Variants in DCC observed in about 807,000 individuals in gnomAD.
The protein encoded by DCC is DCC netrin 1 receptor.
In DCC, 58 loss-of-function variants were observed where a neutral mutation model predicts 172.5. That is an observed-to-expected ratio of 0.34 (90% CI 0.27 to 0.42). DCC has a LOEUF of 0.42. Ranked by LOEUF, DCC falls within the 10% of genes least tolerant of loss-of-function variation. The pLI, the probability that DCC is intolerant of heterozygous loss-of-function variation, is 1.00. For synonymous variants in DCC, 709 were observed against 644.5 expected (o/e 1.10, Z -1.52); for missense variants, 1,740 against 1,791.0 (o/e 0.97, Z 0.51).
rs537016798 is a variant in DCC at position 53,374,023 on chromosome 18, G to A, written c.2360-12020G>A. On this transcript the variant is annotated intron_variant, in intron 15 of 28. Coordinates refer to ENST00000442544, the MANE Select transcript of DCC (RefSeq NM_005215.4). ...CCTTTACACTGAATCTGCTTCATCT[G>A]CCCTTGGCATTGTCCACAGGCTGTA... 2.6e-3 allele frequency among the ~76,000 whole-genome samples: 403 copies of A among 152,278 alleles called. 1 individual carries two copies. Among genetic ancestry groups the A allele is most frequent in the African/African-American group, 9.1e-3 (379 of 41,540 alleles).
chr18:52,941,470 A>G (rs1464270880), intron 5 of DCC, among the ~76,000 whole-genome samples: 1 of 142,872 alleles, frequency 7.0e-6, no homozygotes. Context: ...ATTCTTTAAC[A>G]TACATATATA....
At chr18:53,500,853 A>G (rs1236821164) in intron 27 of DCC, among the ~76,000 whole-genome samples, 14 of 152,062 alleles carry the variant, frequency 9.2e-5, no homozygotes, top group Admixed American at 9.2e-4. Context: ...TAGGGACTTA[A>G]AAAGGTCTGT....
At chr18:52,993,414 A>G (rs1179373186) in intron 5 of DCC, among the ~76,000 whole-genome samples, 3 of 152,190 alleles carry the variant, frequency 2.0e-5, no homozygotes, top group Admixed American at 2.0e-4. Flanking sequence ...ACTCCTGTAT[A>G]AAACACAATG....
chr18:52,814,747 TATG>T (rs1451432047), intron 2 of DCC, among the ~76,000 whole-genome samples: 9 of 152,284 alleles, frequency 5.9e-5, no homozygotes, highest in Non-Finnish European at 8.8e-5. Context: ...TAAACTCAGT[TATG>T]ATGGGAAATG....
At chr18:52,500,635 T>C (rs188517876) in intron 1 of DCC, among the ~76,000 whole-genome samples, 2 of 152,328 alleles carry the variant, frequency 1.3e-5, no homozygotes, top group Admixed American at 1.3e-4. Context: ...TTTAGATGAA[T>C]ACAATTTTCT....
chr18:52,949,263 GC>G lies in DCC; in HGVS notation c.985+23895del, dbSNP rs560985298. Among the ~76,000 whole-genome samples, 373 of 152,242 alleles carry G rather than the reference GC, an allele frequency of 2.5e-3. 2 individuals carry two copies. The highest frequency in any genetic ancestry group is 8.6e-3 in the African/African-American group (356 of 41,548). On this transcript the variant is annotated intron_variant, in intron 5 of 28. Coordinates refer to ENST00000442544, the MANE Select transcript of DCC (RefSeq NM_005215.4). ...ACAATTTGCTTTGTATCTCACATAA[GC>G]CTAGAAGAGTTCTTGACTCTGAAGC...
intron 7 of DCC, among the ~76,000 whole-genome samples, chr18:53,116,434 C>A (rs984961147): frequency 1.3e-5 from 2 of 151,736 alleles, no homozygotes; most frequent in African/African-American, 2.4e-5. Context: ...CCTGTCATAG[C>A]TGAATCAGCC....
intron 9 of DCC, among the ~76,000 whole-genome samples, chr18:53,194,372 C>T (rs767273924): frequency 2.0e-5 from 3 of 151,990 alleles, no homozygotes; most frequent in Admixed American, 6.6e-5. Context: ...CCATTTATAT[C>T]GGTGATGTCA....
At chr18:52,389,645 A>AG (rs61304952) in intron 1 of DCC, among the ~76,000 whole-genome samples, 13,543 of 152,186 alleles carry the variant, frequency 0.089, 740 homozygotes, top group South Asian at 0.16. Flanking sequence ...CTTATAAAAA[A>AG]TTACTTCTAT....
At chr18:52,575,607 T>A (rs970011446) in intron 1 of DCC, among the ~76,000 whole-genome samples, 4 of 152,186 alleles carry the variant, frequency 2.6e-5, no homozygotes, top group Non-Finnish European at 5.9e-5. Flanking sequence ...TAGTTGTTTT[T>A]TTCCTACCTT....
At chr18:52,993,286 A>C (rs961991755) in intron 5 of DCC, among the ~76,000 whole-genome samples, 6 of 152,168 alleles carry the variant, frequency 3.9e-5, no homozygotes, top group African/African-American at 1.4e-4. Flanking sequence ...TATTTTGTGT[A>C]GAGATTTTTA....
intron 15 of DCC, among the ~76,000 whole-genome samples, chr18:53,341,075 C>A (rs1029773557): frequency 6.6e-6 from 1 of 152,162 alleles, no homozygotes; most frequent in African/African-American, 2.4e-5. Flanking sequence ...ATATTCTTTC[C>A]ATCAGTTCCT....
At chr18:52,494,155 G>A (rs1396984049) in intron 1 of DCC, among the ~76,000 whole-genome samples, 1 of 151,940 alleles carries the variant, frequency 6.6e-6, no homozygotes, top group Non-Finnish European at 1.5e-5. Flanking sequence ...TCTGTTGAGA[G>A]GTCAACTATT....
intron 7 of DCC, among the ~76,000 whole-genome samples, chr18:53,118,318 C>G (rs1182056824): frequency 2.6e-5 from 4 of 151,762 alleles, no homozygotes; most frequent in African/African-American, 7.3e-5. Flanking sequence ...TGACTACTAC[C>G]TTCGTCAAAT....
In DCC at chr18:52,466,702, A is replaced by G. The variant is rs895427051; in HGVS notation, c.91+125824A>G. Among the ~76,000 whole-genome samples, 30 of 152,186 alleles carry G rather than the reference A, an allele frequency of 2.0e-4. 1 individual carries two copies. Reference sequence around the variant, plus strand: ...CTTTTCTTCTTTATAGCTTAGGCTGAAATGAGACTACATGTAATTTTCTGC... The same window carrying G: ...CTTTTCTTCTTTATAGCTTAGGCTGGAATGAGACTACATGTAATTTTCTGC... On this transcript the variant is annotated intron_variant, in intron 1 of 28. Coordinates refer to ENST00000442544, the MANE Select transcript of DCC (RefSeq NM_005215.4).
intron 2 of DCC, among the ~76,000 whole-genome samples, chr18:52,842,289 A>G (rs563316360): frequency 2.6e-5 from 4 of 152,134 alleles, no homozygotes; most frequent in Non-Finnish European, 5.9e-5. Context: ...ACTATAAGGT[A>G]TTGTTCACTT....
chr18:52,469,328 C>A (rs1988881461), intron 1 of DCC, among the ~76,000 whole-genome samples: 2 of 152,130 alleles, frequency 1.3e-5, no homozygotes, highest in South Asian at 4.1e-4. Flanking sequence ...ATCCGCCCAC[C>A]TCCTAAAGTG....
intron 2 of DCC, among the ~76,000 whole-genome samples, chr18:52,905,525 A>T (rs928565785): frequency 6.6e-6 from 1 of 152,152 alleles, no homozygotes; most frequent in Non-Finnish European, 1.5e-5. Context: ...TGTTACTATA[A>T]TTGGTGGTTC....
At chr18:52,917,617 GA>G (rs1381351778) in intron 3 of DCC, among the ~76,000 whole-genome samples, 1 of 152,124 alleles carries the variant, frequency 6.6e-6, no homozygotes, top group Non-Finnish European at 1.5e-5. Context: ...AGAGAGAAAG[GA>G]AAGGATAGCA....
Sources: gnomAD v4.1 joint callset for allele counts (sites outside exome capture counted in the v4.1 genomes callset) on GRCh38, gnomAD v4.1.1 for gene constraint, MANE v1.5 for transcripts, NCBI Gene and HGNC (gene_info 2026-07-23, HGNC 2026-07-21) for gene names.